DAG1: variants seen among roughly 807,000 people sequenced by gnomAD.
DAG1 encodes dystroglycan 1.
Under a neutral mutation model 46.1 loss-of-function variants are expected in DAG1, and 8 were observed. That is an observed-to-expected ratio of 0.17 (90% CI 0.10 to 0.31). DAG1 has a LOEUF of 0.31. DAG1 is among the 10% of genes least tolerant of loss of function. DAG1 has a pLI of 1.00. For missense variants in DAG1, 1,003 were observed against 1,189.9 expected (o/e 0.84, Z 2.31); for synonymous variants, 495 against 481.8 (o/e 1.03, Z -0.36).
rs1575414965 is a variant in DAG1 at position 49,533,293 on chromosome 3, A to C, written c.*94A>C. ...ACCGGTGGCCTGCAGACCATTGCCC[A>C]CCGGGAGCCGACACCTGACCTAGCA... On this transcript the variant is annotated 3_prime_UTR_variant, in exon 3 of 3. Transcript: ENST00000308775. 1 of 1,556,704 alleles carries C rather than the reference A, an allele frequency of 6.4e-7. No individual in the cohort carries two copies. The highest frequency in any genetic ancestry group is 8.7e-7 in the Non-Finnish European group (1 of 1,155,678).
chr3:49,518,023 C>T (rs141786903), intron 2 of DAG1, among the ~76,000 whole-genome samples: 4 of 152,204 alleles, frequency 2.6e-5, no homozygotes, highest in East Asian at 1.9e-4. Flanking sequence ...GAAGTGGGTC[C>T]GTAAGGGGCT....
At chr3:49,478,551 T>TTA (rs147771560) in intron 1 of DAG1, among the ~76,000 whole-genome samples, 1 of 146,068 alleles carries the variant, frequency 6.8e-6, no homozygotes, top group Non-Finnish European at 1.5e-5. Context: ...TTTTTTTTTT[T>TTA]AAATTTTTTG....
At chr3:49,478,724 C>T in intron 1 of DAG1, among the ~76,000 whole-genome samples, 1 of 149,334 alleles carries the variant, frequency 6.7e-6, no homozygotes. Flanking sequence ...AATCACACCA[C>T]TGCACTCCAG....
chr3:49,506,500 A>G (rs1323845152), intron 1 of DAG1, among the ~76,000 whole-genome samples: 24 of 152,120 alleles, frequency 1.6e-4, no homozygotes, highest in Non-Finnish European at 1.5e-5. Context: ...GAGTTTTTTT[A>G]TTATGAATCA....
chr3:49,521,881 G>A (rs1236173730), intron 2 of DAG1, among the ~76,000 whole-genome samples: 1 of 151,434 alleles, frequency 6.6e-6, no homozygotes, highest in Non-Finnish European at 1.5e-5. Flanking sequence ...ATGGAGTCTC[G>A]CTCTGTCGCC....
At chr3:49,469,811 A>G (rs770163806), upstream of DAG1, among the ~76,000 whole-genome samples, 68 of 152,184 alleles carry the variant, frequency 4.5e-4, no homozygotes, top group Non-Finnish European at 1.3e-4. Context: ...CGAAGGAAAT[A>G]AGGAGGGCTG....
intron 1 of DAG1, among the ~76,000 whole-genome samples, chr3:49,475,071 C>T (rs1030206795): frequency 5.3e-5 from 8 of 151,612 alleles, no homozygotes; most frequent in African/African-American, 9.7e-5. Flanking sequence ...CTCGGCCTCC[C>T]GAAGTGCTGG....
chr3:49,470,890 G>A (rs911073725), intron 1 of DAG1: 13 of 152,294 alleles, frequency 8.5e-5, no homozygotes, highest in Admixed American at 6.5e-5. Context: ...CAGAGCCTTG[G>A]TGGGTTCCGT....
In DAG1 at chr3:49,510,128, T is replaced by C. The variant is rs7622302; in HGVS notation, c.-116-291T>C. On this transcript the variant is annotated intron_variant, in intron 1 of 2. Transcript: ENST00000308775. ...CTGACTGTATTCAAAATATTACTAA[T>C]ACATATCATTTCAGTTTGCAATCAA... The C allele has an allele frequency of 0.29, 116,661 of 407,426 alleles. 18,826 individuals are homozygous for C. Among genetic ancestry groups the C allele is most frequent in the Middle Eastern group, 0.33 (506 of 1,544 alleles). The allele number at this position is 407,426 out of a possible 1,614,324, so 25.2% of individuals were successfully genotyped here. A position where few individuals can be genotyped will look rare whatever the true frequency, so the allele number is the denominator to read the frequency against.
intron 2 of DAG1, chr3:49,511,045 A>T: frequency 2.3e-6 from 2 of 885,096 alleles, no homozygotes; most frequent in Non-Finnish European, 2.7e-6. Flanking sequence ...ACCATGTAAT[A>T]GCCTTTACTC....
intron 1 of DAG1, among the ~76,000 whole-genome samples, chr3:49,501,232 T>G (rs2050441251): frequency 6.6e-6 from 1 of 152,174 alleles, no homozygotes; most frequent in Non-Finnish European, 1.5e-5. Flanking sequence ...AGGGTGTGTC[T>G]CATAACTGAC....
At chr3:49,478,214 C>T (rs2049742426) in intron 1 of DAG1, among the ~76,000 whole-genome samples, 1 of 143,300 alleles carries the variant, frequency 7.0e-6, no homozygotes, top group African/African-American at 2.6e-5. Flanking sequence ...GCAGAGGTTG[C>T]AGTGAGCCGA....
At chr3:49,519,839 TCTAA>T (rs1043655038) in intron 2 of DAG1, among the ~76,000 whole-genome samples, 23 of 152,246 alleles carry the variant, frequency 1.5e-4, no homozygotes, top group African/African-American at 3.9e-4. Context: ...TATTAGTGGC[TCTAA>T]CTATGTTAAG....
At chr3:49,515,331 G>A (rs1403808327) in intron 2 of DAG1, among the ~76,000 whole-genome samples, 1 of 146,416 alleles carries the variant, frequency 6.8e-6, no homozygotes. Flanking sequence ...TTTACCTGTA[G>A]TCATTAAATG....
chr3:49,525,619 G>A (rs1412056255), intron 2 of DAG1, among the ~76,000 whole-genome samples: 2 of 151,342 alleles, frequency 1.3e-5, no homozygotes, highest in African/African-American at 4.9e-5. Context: ...GTGCCGTGGC[G>A]TGATCTCGGC....
chr3:49,482,127 GT>G (rs1192166006), intron 1 of DAG1, among the ~76,000 whole-genome samples: 5 of 152,154 alleles, frequency 3.3e-5, no homozygotes, highest in Non-Finnish European at 4.4e-5. Flanking sequence ...TTAACAAAAT[GT>G]TTACAAGCAG....
At chr3:49,489,188 C>T (rs970756154) in intron 1 of DAG1, among the ~76,000 whole-genome samples, 6 of 151,934 alleles carry the variant, frequency 3.9e-5, no homozygotes, top group South Asian at 2.1e-4. Flanking sequence ...CTCTGCCTCC[C>T]GGATTCAAGC....
chr3:49,485,455 C>T (rs1026671856), intron 1 of DAG1, among the ~76,000 whole-genome samples: 3 of 152,136 alleles, frequency 2.0e-5, no homozygotes, highest in Admixed American at 1.3e-4. Flanking sequence ...ATGTAATATA[C>T]CAGAATTTAT....
At chr3:49,521,382 G>C (rs1485543114) in intron 2 of DAG1, among the ~76,000 whole-genome samples, 1 of 152,034 alleles carries the variant, frequency 6.6e-6, no homozygotes, top group Admixed American at 6.5e-5. Context: ...AGCCAGGATG[G>C]TCTCGATCTC....
Sources: gnomAD v4.1 joint callset for allele counts (sites outside exome capture counted in the v4.1 genomes callset) on GRCh38, gnomAD v4.1.1 for gene constraint, MANE v1.5 for transcripts, NCBI Gene and HGNC (gene_info 2026-07-23, HGNC 2026-07-21) for gene names.